The following SPAG17 variants were observed in gnomAD, a reference collection of about 807,000 sequenced individuals.
SPAG17 encodes sperm-associated antigen 17.
SPAG17 carries 169 observed loss-of-function variants against 273.6 expected under a neutral mutation model. That is an observed-to-expected ratio of 0.62 (90% CI 0.55 to 0.70). SPAG17 has a LOEUF of 0.70. Ranked by LOEUF, SPAG17 falls within the 30% of genes least tolerant of loss-of-function variation. SPAG17 has a pLI of 0.00. For synonymous variants in SPAG17, 825 were observed against 873.2 expected (o/e 0.94, Z 0.97); for missense variants, 2,557 against 2,627.8 (o/e 0.97, Z 0.59).
At chr1:118,042,144 G>T (rs1649842703) in intron 20 of SPAG17, 102 bp from the exon 21 acceptor site, 2 of 1,380,814 alleles carry the variant, frequency 1.4e-6, no homozygotes, top group Admixed American at 4.6e-5. Context: ...TTTTGTTAGT[G>T]TATCTCTGAC....
At chr1:118,100,488 A>T (rs1655994509) in intron 5 of SPAG17, among the ~76,000 whole-genome samples, 1 of 152,196 alleles carries the variant, frequency 6.6e-6, no homozygotes, top group Non-Finnish European at 1.5e-5. Flanking sequence ...TACTGATAGC[A>T]CATGGTACAA....
At chr1:118,167,230 G>A (rs892643337) in intron 1 of SPAG17, among the ~76,000 whole-genome samples, 6 of 151,956 alleles carry the variant, frequency 3.9e-5, no homozygotes, top group Non-Finnish European at 7.4e-5. Flanking sequence ...AAAGTGTTTT[G>A]CCGTTCAGCT....
intron 45 of SPAG17, among the ~76,000 whole-genome samples, chr1:117,971,490 AT>A (rs1306234238): frequency 6.6e-6 from 1 of 152,142 alleles, no homozygotes; most frequent in Non-Finnish European, 1.5e-5. Context: ...ATCAGCTAGT[AT>A]TATTATAGTT....
At chr1:117,961,709 C>T (rs1571063286) in intron 48 of SPAG17, 1 of 152,040 alleles carries the variant, frequency 6.6e-6, no homozygotes, top group East Asian at 1.9e-4. Flanking sequence ...GAGCATAACA[C>T]AATCACTGAA....
At chr1:118,153,556 T>C (rs1358928187) in intron 1 of SPAG17, among the ~76,000 whole-genome samples, 3 of 152,096 alleles carry the variant, frequency 2.0e-5, no homozygotes, top group Admixed American at 6.5e-5. Context: ...CCTTCAAAAA[T>C]AGATTAGGTA....
At chr1:118,088,793 A>C (rs1041248541) in intron 10 of SPAG17, among the ~76,000 whole-genome samples, 1 of 152,202 alleles carries the variant, frequency 6.6e-6, no homozygotes, top group Non-Finnish European at 1.5e-5. Flanking sequence ...TGGAATTCCC[A>C]AAGGGATAAA....
chr1:117,961,419 C>G (rs1245874866), intron 48 of SPAG17: 1 of 152,120 alleles, frequency 6.6e-6, no homozygotes, highest in Non-Finnish European at 1.5e-5. Context: ...TTGACAGATA[C>G]CTCTGGGTCT....
intron 3 of SPAG17, among the ~76,000 whole-genome samples, chr1:118,126,203 C>CTTTTTTT (rs776674134): frequency 9.0e-6 from 1 of 110,580 alleles, no homozygotes; most frequent in African/African-American, 3.3e-5. Flanking sequence ...ATCCTTTATC[C>CTTTTTTT]TTTTTTTTTT....
chr1:118,067,684 T>A (rs1318564257), intron 17 of SPAG17, among the ~76,000 whole-genome samples: 1 of 152,220 alleles, frequency 6.6e-6, no homozygotes, highest in African/African-American at 2.4e-5. Context: ...GGTATGATTA[T>A]TTTTCCCATA....
Position 118,086,882 on chromosome 1 carries a change from T to A in SPAG17, c.1486A>T (p.Arg496Trp). The A allele has an allele frequency of 6.2e-7, 1 of 1,614,126 alleles. No homozygotes were observed. The highest frequency in any genetic ancestry group is 8.5e-7 in the Non-Finnish European group (1 of 1,180,004). ...TCAGGCTATCTGACCTTTTTCTCCC[T>A]CTCTGAGAGACAGAGTGAGGGCAGA... is the stretch of plus-strand genomic sequence containing the variant. ...SLLPSLCLSE[R>W]EKKNLHDIFL... Residue 496 changes from arginine to tryptophan, a missense_variant, in exon 11 of 49, where the codon AGG (arginine) becomes TGG (tryptophan). Coordinates refer to ENST00000336338, the MANE Select transcript of SPAG17 (RefSeq NM_206996.4).
chr1:118,032,043 T>C (rs1427558143), intron 24 of SPAG17, among the ~76,000 whole-genome samples, 176 bp from the exon 25 acceptor site: 3 of 152,178 alleles, frequency 2.0e-5, no homozygotes, highest in Admixed American at 6.5e-5. Context: ...CAAATCAGGA[T>C]TGTAGTTAGA....
chr1:118,014,495 C>T (rs542532892), intron 29 of SPAG17, among the ~76,000 whole-genome samples: 7 of 152,154 alleles, frequency 4.6e-5, no homozygotes, highest in Non-Finnish European at 7.4e-5. Context: ...TAAAAAACCT[C>T]GGGAAACAAA....
chr1:118,142,584 T>A (rs1256713143), intron 3 of SPAG17, among the ~76,000 whole-genome samples: 1 of 152,208 alleles, frequency 6.6e-6, no homozygotes, highest in Non-Finnish European at 1.5e-5. Flanking sequence ...AAAATAATAG[T>A]AATAGTAATA....
At position 118,053,667 on chromosome 1, in the gene SPAG17, G is replaced by T. The variant is rs1219550546; in HGVS notation, c.2814+335C>A. On this transcript the variant is annotated intron_variant, in intron 20 of 48. Transcript: ENST00000336338. ...ATCTATAAAAATATTCTAAGAGAATGCATAAAAATATATATGTATATCTCA... is the reference window on the plus strand; with the variant it reads ...ATCTATAAAAATATTCTAAGAGAATTCATAAAAATATATATGTATATCTCA... Among the ~76,000 whole-genome samples the T allele has an allele frequency of 7.9e-5, 12 of 151,998 alleles. No homozygotes were observed. The East Asian group carries it at 2.3e-3, about 29-fold the overall frequency.
intron 38 of SPAG17, among the ~76,000 whole-genome samples, chr1:117,988,461 G>A (rs1005593724): frequency 4.6e-5 from 7 of 152,170 alleles, no homozygotes; most frequent in African/African-American, 1.7e-4. Context: ...TATTATTAGG[G>A]GAAGTGGTGT....
At chr1:118,173,858 T>TAAAAA (rs11392346) in intron 1 of SPAG17, among the ~76,000 whole-genome samples, 2 of 118,300 alleles carry the variant, frequency 1.7e-5, no homozygotes, top group Admixed American at 9.0e-5. Context: ...AGACCCTGTC[T>TAAAAA]AAAAAAAAAA....
chr1:118,009,202 A>C (rs1005370321), intron 30 of SPAG17, among the ~76,000 whole-genome samples: 5 of 151,048 alleles, frequency 3.3e-5, no homozygotes, highest in Non-Finnish European at 5.9e-5. Context: ...AATAACTTGT[A>C]TTGTATAATG....
intron 1 of SPAG17, among the ~76,000 whole-genome samples, chr1:118,178,246 A>G (rs1660786780): frequency 6.6e-6 from 1 of 152,170 alleles, no homozygotes; most frequent in African/African-American, 2.4e-5. Flanking sequence ...ATAATTTACC[A>G]TTATCAAGTG....
intron 40 of SPAG17, among the ~76,000 whole-genome samples, chr1:117,985,952 G>A (rs1224892729): frequency 1.3e-5 from 2 of 152,108 alleles, no homozygotes; most frequent in African/African-American, 4.8e-5. Flanking sequence ...CAGTCCCCCA[G>A]TGTGAGAGCT....
Sources: allele counts gnomAD v4.1 joint callset (sites outside exome capture counted in the v4.1 genomes callset), GRCh38; gene constraint gnomAD v4.1.1; transcripts MANE v1.5; gene names NCBI Gene and HGNC (gene_info 2026-07-23, HGNC 2026-07-21).